The following NPLOC4 variants were observed in gnomAD, a reference collection of about 807,000 sequenced individuals.
NPLOC4 encodes NPL4 homolog, ubiquitin recognition factor.
Under a neutral mutation model 80.6 loss-of-function variants are expected in NPLOC4, and 18 were observed. The observed-to-expected ratio is 0.22, with a 90% CI of 0.15 to 0.33. NPLOC4 has a LOEUF of 0.33. Ranked by LOEUF, NPLOC4 falls within the 10% of genes least tolerant of loss-of-function variation. NPLOC4 has a pLI of 1.00. For missense variants in NPLOC4, 540 were observed against 786.1 expected (o/e 0.69, Z 3.74); for synonymous variants, 313 against 301.5 (o/e 1.04, Z -0.39).
Position 81,559,090 on chromosome 17 carries a change from G to A in NPLOC4, c.*169C>T, listed in dbSNP as rs972850597. ...CCAGCCGTGGCGCCCGCTCTCCAGGGAGGAACGTGCTGAGAAGCTTCAGTG... is the reference window on the plus strand; with the variant it reads ...CCAGCCGTGGCGCCCGCTCTCCAGGAAGGAACGTGCTGAGAAGCTTCAGTG... On this transcript the variant is annotated 3_prime_UTR_variant, in exon 17 of 17. Coordinates refer to ENST00000331134, the MANE Select transcript of NPLOC4 (RefSeq NM_017921.4). The A allele has an allele frequency of 2.8e-6, 2 of 709,396 alleles. No homozygotes were observed. Among genetic ancestry groups the A allele is most frequent in the Non-Finnish European group, 4.5e-6 (2 of 442,404 alleles). The allele number at this position is 709,396 out of a possible 1,614,324, so 43.9% of individuals were successfully genotyped here. A position where few individuals can be genotyped will look rare whatever the true frequency, so the allele number is the denominator to read the frequency against.
chr17:81,587,782 C>T (rs1229943368), intron 12 of NPLOC4, among the ~76,000 whole-genome samples: 3 of 148,692 alleles, frequency 2.0e-5, no homozygotes, highest in African/African-American at 2.5e-5. Context: ...CATTCTCCTG[C>T]CTCAGCCTCC....
At chr17:81,635,366 A>AAT (rs2036040188) in intron 1 of NPLOC4, among the ~76,000 whole-genome samples, 1 of 150,938 alleles carries the variant, frequency 6.6e-6, no homozygotes, top group African/African-American at 2.4e-5. Context: ...TTAAAAAAAA[A>AAT]AAAAAAAAAG....
intron 3 of NPLOC4, 124 bp from the exon 4 acceptor site, chr17:81,613,618 T>C (rs1341773303): frequency 1.8e-5 from 15 of 814,850 alleles, no homozygotes; most frequent in Non-Finnish European, 2.8e-5. Context: ...ATGAGGTTTC[T>C]AACTTTTAAG....
At position 81,593,521 on chromosome 17, in the gene NPLOC4, C is replaced by T. The variant is rs142684222; in HGVS notation, c.1120+2595G>A. Reference sequence around the variant, plus strand: ...CCTTCCATTTCAGAATTCTGTGTGTCGGCAGCCTACATTAACTATGTTACC... The same window carrying T: ...CCTTCCATTTCAGAATTCTGTGTGTTGGCAGCCTACATTAACTATGTTACC... On this transcript the variant is annotated intron_variant, in intron 11 of 16. Coordinates refer to ENST00000331134, the MANE Select transcript of NPLOC4 (RefSeq NM_017921.4). Among the ~76,000 whole-genome samples the T allele has an allele frequency of 2.2e-3, 327 of 152,070 alleles. 2 individuals carry two copies. Among genetic ancestry groups the T allele is most frequent in the Non-Finnish European group, 2.8e-3 (191 of 67,994 alleles).
chr17:81,602,938 TATATACACACAC>T (rs1201875022), intron 8 of NPLOC4, among the ~76,000 whole-genome samples: 3 of 150,028 alleles, frequency 2.0e-5, no homozygotes, highest in African/African-American at 4.9e-5. Context: ...CACACATATA[TATATACACACAC>T]ATATATATAC....
At position 81,604,541 on chromosome 17, in the gene NPLOC4, T is replaced by C. The variant is rs779642467; in HGVS notation, c.834+7A>G. 1.2e-6 allele frequency: 2 copies of C among 1,610,474 alleles called. No individual in the cohort carries two copies. The highest frequency in any genetic ancestry group is 1.7e-5 in the Admixed American group (1 of 59,248). Reference sequence around the variant, plus strand: ...AAACTCAGGAACTTGAATCCCGTCATGTTTACCTGAGGTGGCTCATAAATC... The same window carrying C: ...AAACTCAGGAACTTGAATCCCGTCACGTTTACCTGAGGTGGCTCATAAATC... On this transcript the variant is annotated splice_region_variant and intron_variant, in intron 8 of 16. Coordinates refer to ENST00000331134, the MANE Select transcript of NPLOC4 (RefSeq NM_017921.4).
In NPLOC4 at chr17:81,589,107, G is replaced by A; in HGVS notation, c.1121-3C>T. The A allele has an allele frequency of 6.2e-7, 1 of 1,611,322 alleles. No individual in the cohort carries two copies. The highest frequency in any genetic ancestry group is 8.5e-7 in the Non-Finnish European group (1 of 1,178,440). ...GTGGACTTGGTTGTCAGGACCACCT[G>A]CAAGAGAGAGACCTTTAAAAAGAGT... On this transcript the variant is annotated splice_region_variant and splice_polypyrimidine_tract_variant and intron_variant, in intron 11 of 16. Coordinates refer to ENST00000331134, the MANE Select transcript of NPLOC4 (RefSeq NM_017921.4).
At chr17:81,586,345 C>T (rs1181086476) in intron 12 of NPLOC4, among the ~76,000 whole-genome samples, 1 of 152,134 alleles carries the variant, frequency 6.6e-6, no homozygotes, top group Non-Finnish European at 1.5e-5. Context: ...TGGGTGGCCT[C>T]ACGCCTATAA....
At chr17:81,565,473 G>A (rs896655524) in intron 16 of NPLOC4, 32 bp downstream of exon 16, 22 of 1,501,216 alleles carry the variant, frequency 1.5e-5, no homozygotes, top group African/African-American at 2.8e-5. Flanking sequence ...CCCCAGCCAC[G>A]GGGTGCCGGG....
rs1161825237 is a variant in NPLOC4 at position 81,558,348 on chromosome 17, A to T, written c.*911T>A. ...CCAGCTCTCCCACCCAGGCCATCGC[A>T]GGGCAGCCTCAGGGCAGGCGCCACC... On this transcript the variant is annotated 3_prime_UTR_variant, in exon 17 of 17. Coordinates refer to ENST00000331134, the MANE Select transcript of NPLOC4 (RefSeq NM_017921.4). 1 of 152,306 alleles carries T rather than the reference A, an allele frequency of 6.6e-6. No individual in the cohort carries two copies. 9.4% of individuals were successfully genotyped at this position (152,306 alleles called of 1,614,324 possible). A position where few individuals can be genotyped will look rare whatever the true frequency, so the allele number is the denominator to read the frequency against.
chr17:81,585,669 G>GT (rs1206803598), intron 12 of NPLOC4, among the ~76,000 whole-genome samples: 1 of 144,976 alleles, frequency 6.9e-6, no homozygotes, highest in Admixed American at 7.1e-5. Flanking sequence ...TCTGGGGGGG[G>GT]GGGGAAAGAA....
intron 1 of NPLOC4, 63 bp downstream of exon 1, chr17:81,636,853 C>A: frequency 7.3e-7 from 1 of 1,374,806 alleles, no homozygotes; most frequent in South Asian, 1.6e-5. Context: ...CCCCACAGGC[C>A]GAGGCCGGCA....
At chr17:81,629,239 T>G (rs1598693315) in intron 2 of NPLOC4, among the ~76,000 whole-genome samples, 1 of 136,470 alleles carries the variant, frequency 7.3e-6, no homozygotes, top group East Asian at 2.4e-4. Flanking sequence ...GTTGCCCAGG[T>G]TGGAGTGCAG....
At chr17:81,583,756 C>A (rs1219899376) in intron 12 of NPLOC4, among the ~76,000 whole-genome samples, 2 of 152,148 alleles carry the variant, frequency 1.3e-5, no homozygotes, top group African/African-American at 4.8e-5. Context: ...TGGGACAGGG[C>A]AAAGCTGTAG....
chr17:81,564,877 C>T, intron 16 of NPLOC4: 1 of 181,786 alleles, frequency 5.5e-6, no homozygotes, highest in Non-Finnish European at 1.1e-5. Context: ...AGCATTTGTC[C>T]AGGGCCGTAG....
chr17:81,559,457 C>G, intron 16 of NPLOC4, 41 bp from the exon 17 acceptor site: 1 of 1,568,098 alleles, frequency 6.4e-7, no homozygotes, highest in Non-Finnish European at 8.7e-7. Context: ...CATTTCTGGC[C>G]CACCAGAGAC....
chr17:81,582,852 T>C (rs148973859), intron 12 of NPLOC4, among the ~76,000 whole-genome samples: 1 of 152,242 alleles, frequency 6.6e-6, no homozygotes, highest in Non-Finnish European at 1.5e-5. Context: ...GCTCTGGGGC[T>C]GCACATAAAG....
intron 6 of NPLOC4, among the ~76,000 whole-genome samples, chr17:81,608,382 G>C (rs927682040): frequency 6.6e-6 from 1 of 152,194 alleles, no homozygotes; most frequent in African/African-American, 2.4e-5. Context: ...GCAGCCAGGC[G>C]CCTGCACAGT....
At position 81,608,817 on chromosome 17, in the gene NPLOC4, G is replaced by A. The variant is rs2035270543; in HGVS notation, c.441C>T (p.Phe147=). 8 of 1,577,702 alleles carry A rather than the reference G, an allele frequency of 5.1e-6. No individual in the cohort carries two copies. Among genetic ancestry groups the A allele is most frequent in the East Asian group, 2.3e-5 (1 of 43,198 alleles). Residue 147 remains phenylalanine, a synonymous_variant, in exon 6 of 17, where the codon TTC becomes TTT. Coordinates refer to ENST00000331134, the MANE Select transcript of NPLOC4 (RefSeq NM_017921.4). ...KCVHCVPLEP[F]DEDYLNHLEP... The stretch of plus-strand genomic sequence containing the variant: ...CGAGATGGTTTAGATAGTCCTCATC[G>A]AATGGCTGCCAAGACACAGAGTAAG...
Sources: allele counts gnomAD v4.1 joint callset (sites outside exome capture counted in the v4.1 genomes callset), GRCh38; gene constraint gnomAD v4.1.1; transcripts MANE v1.5; gene names NCBI Gene and HGNC (gene_info 2026-07-23, HGNC 2026-07-21).